The following SETBP1 variants were observed in gnomAD, a reference collection of about 807,000 sequenced individuals.
SETBP1 encodes SET binding protein 1, also known as SET-binding protein.
In SETBP1, 9 loss-of-function variants were observed where a neutral mutation model predicts 101.0. The observed-to-expected ratio is 0.09, with a 90% CI of 0.05 to 0.16. The LOEUF (loss-of-function observed/expected upper bound fraction) is 0.16, where lower values mean the gene tolerates loss of function less well. SETBP1 is among the 10% of genes least tolerant of loss of function. The pLI, the probability that SETBP1 is intolerant of heterozygous loss-of-function variation, is 1.00. For missense variants in SETBP1, 1,858 were observed against 2,033.8 expected (o/e 0.91, Z 1.66); for synonymous variants, 818 against 788.5 (o/e 1.04, Z -0.63).
chr18:44,830,929 A>G (rs897846910), intron 2 of SETBP1, among the ~76,000 whole-genome samples: 1 of 152,178 alleles, frequency 6.6e-6, no homozygotes, highest in African/African-American at 2.4e-5. Flanking sequence ...ACTGCCTTAT[A>G]GAGGGAGTGG....
chr18:45,005,459 A>AT (rs1296049763), intron 4 of SETBP1, among the ~76,000 whole-genome samples: 1 of 152,100 alleles, frequency 6.6e-6, no homozygotes, highest in Non-Finnish European at 1.5e-5. Context: ...TCCAGAAGGT[A>AT]TACACTGGAT....
intron 4 of SETBP1, among the ~76,000 whole-genome samples, chr18:44,992,928 G>A (rs894024812): frequency 8.6e-5 from 13 of 151,920 alleles, no homozygotes; most frequent in Middle Eastern, 3.4e-3. Flanking sequence ...AAAAACAAAC[G>A]TAATCTAGAA....
chr18:45,048,978 CAAAAAAA>C (rs71177665), intron 5 of SETBP1, among the ~76,000 whole-genome samples: 941 of 46,682 alleles, frequency 0.02, 11 homozygotes, highest in African/African-American at 0.067. Context: ...GACTCCGTCT[CAAAAAAA>C]AAAAAAAAAA....
At chr18:44,719,116 A>G (rs1169002978) in intron 2 of SETBP1, among the ~76,000 whole-genome samples, 1 of 152,184 alleles carries the variant, frequency 6.6e-6, no homozygotes, top group Non-Finnish European at 1.5e-5. Context: ...AAGGTAGAAT[A>G]GTAAGCTTGA....
At chr18:44,820,616 A>G (rs1012057855) in intron 2 of SETBP1, among the ~76,000 whole-genome samples, 3 of 152,192 alleles carry the variant, frequency 2.0e-5, no homozygotes, top group African/African-American at 7.2e-5. Flanking sequence ...GTGCAACTCT[A>G]CTAGCTCCCT....
chr18:44,775,962 A>G (rs2070993329), intron 2 of SETBP1, among the ~76,000 whole-genome samples: 1 of 152,184 alleles, frequency 6.6e-6, no homozygotes, highest in Admixed American at 6.5e-5. Context: ...GAATGGCCCT[A>G]TCCTGTCTCT....
intron 3 of SETBP1, among the ~76,000 whole-genome samples, chr18:44,931,350 T>A (rs561003523): frequency 6.6e-5 from 10 of 152,352 alleles, no homozygotes; most frequent in Admixed American, 5.9e-4. Flanking sequence ...AGGAGTGCTT[T>A]ACTTCCAACT....
At chr18:44,849,924 A>T (rs2072813395) in intron 2 of SETBP1, among the ~76,000 whole-genome samples, 2 of 152,178 alleles carry the variant, frequency 1.3e-5, no homozygotes, top group African/African-American at 2.4e-5. Flanking sequence ...ATTATTTATT[A>T]TTTATTCTTT....
chr18:44,904,650 T>C (rs2070130502), intron 3 of SETBP1, among the ~76,000 whole-genome samples: 2 of 152,206 alleles, frequency 1.3e-5, no homozygotes, highest in South Asian at 4.1e-4. Context: ...CCTGGTCATC[T>C]GTGGTTAGGG....
At chr18:44,743,820 G>A (rs1487188387) in intron 2 of SETBP1, among the ~76,000 whole-genome samples, 2 of 152,124 alleles carry the variant, frequency 1.3e-5, no homozygotes. Flanking sequence ...GCCATTGTCT[G>A]CTCCCTTTGC....
intron 2 of SETBP1, among the ~76,000 whole-genome samples, chr18:44,773,832 C>CTATGTG (rs1205706277): frequency 6.2e-5 from 3 of 48,418 alleles, no homozygotes; most frequent in Non-Finnish European, 1.4e-4. Flanking sequence ...CTGTCTCTCT[C>CTATGTG]TGTTTATGTG....
chr18:44,765,158 A>G (rs967978755), intron 2 of SETBP1, among the ~76,000 whole-genome samples: 1 of 152,202 alleles, frequency 6.6e-6, no homozygotes, highest in African/African-American at 2.4e-5. Context: ...CCTAGAGCTC[A>G]CAAACCACAC....
chr18:44,925,920 G>C (rs1333184443), intron 3 of SETBP1, among the ~76,000 whole-genome samples: 1 of 152,098 alleles, frequency 6.6e-6, no homozygotes, highest in Admixed American at 6.5e-5. Flanking sequence ...CTAATTAAGA[G>C]GTGAGTGAAA....
chr18:44,716,801 G>A (rs1375194317), intron 2 of SETBP1, among the ~76,000 whole-genome samples: 1 of 152,164 alleles, frequency 6.6e-6, no homozygotes, highest in East Asian at 1.9e-4. Context: ...GACCTCAAGT[G>A]ATCCACCCAC....
At chr18:44,919,308 G>T (rs2070520818) in intron 3 of SETBP1, among the ~76,000 whole-genome samples, 1 of 151,788 alleles carries the variant, frequency 6.6e-6, no homozygotes, top group Non-Finnish European at 1.5e-5. Context: ...TATCAGAAAG[G>T]GTATCCTTAG....
intron 2 of SETBP1, among the ~76,000 whole-genome samples, chr18:44,766,673 TA>T (rs2070769109): frequency 6.6e-6 from 1 of 152,090 alleles, no homozygotes; most frequent in African/African-American, 2.4e-5. Flanking sequence ...ATTATACACT[TA>T]AAAGTGGTTG....
At chr18:45,016,728 C>CGT (rs1420737706) in intron 4 of SETBP1, among the ~76,000 whole-genome samples, 2 of 121,406 alleles carry the variant, frequency 1.6e-5, no homozygotes, top group African/African-American at 6.5e-5. Context: ...CACATTGGTG[C>CGT]GCGCACACAC....
Position 44,878,981 on chromosome 18 carries a change from C to T in SETBP1, c.540+9698C>T, listed in dbSNP as rs545044377. ...GGATATTTCCCTGATAGTGGCCATC[C>T]TCTTCCACCACCCTCCAGCTCTGCC... On this transcript the variant is annotated intron_variant, in intron 3 of 5. Coordinates refer to ENST00000649279, the MANE Select transcript of SETBP1 (RefSeq NM_015559.3). Among the ~76,000 whole-genome samples, 12 of 152,254 alleles carry T rather than the reference C, an allele frequency of 7.9e-5. No individual in the cohort carries two copies. The South Asian group carries it at 2.5e-3, about 32-fold the overall frequency.
intron 5 of SETBP1, among the ~76,000 whole-genome samples, chr18:45,058,703 A>C (rs1399591514): frequency 1.3e-5 from 2 of 152,246 alleles, no homozygotes; most frequent in Non-Finnish European, 2.9e-5. Flanking sequence ...AGGAGAAATA[A>C]ATGAAATTCA....
Sources: allele counts gnomAD v4.1 joint callset (sites outside exome capture counted in the v4.1 genomes callset), GRCh38; gene constraint gnomAD v4.1.1; transcripts MANE v1.5; gene names NCBI Gene and HGNC (gene_info 2026-07-23, HGNC 2026-07-21).